Variants in NPAS3 observed in about 807,000 individuals in gnomAD.
The protein encoded by NPAS3 is neuronal PAS domain protein 3.
In NPAS3, 14 loss-of-function variants were observed where a neutral mutation model predicts 73.1. That is an observed-to-expected ratio of 0.19 (90% CI 0.13 to 0.30). The LOEUF is 0.30. Among genes scored for constraint, NPAS3 ranks in the 10% least tolerant of loss-of-function variants. NPAS3 has a pLI of 1.00. For missense variants in NPAS3, 1,096 were observed against 1,250.0 expected, an observed-to-expected ratio of 0.88 and a Z score of 1.86; for synonymous variants, 620 against 541.5, an observed-to-expected ratio of 1.14 and a Z score of -2.01.
At chr14:33,784,449 A>C (rs2063079952) in intron 9 of NPAS3, among the ~76,000 whole-genome samples, 1 of 152,210 alleles carries the variant, frequency 6.6e-6, no homozygotes, top group African/African-American at 2.4e-5. Flanking sequence ...GAAAGCAACT[A>C]AGGGGAGGAT....
At chr14:33,121,818 A>G (rs894443301) in intron 2 of NPAS3, among the ~76,000 whole-genome samples, 1 of 152,174 alleles carries the variant, frequency 6.6e-6, no homozygotes, top group East Asian at 1.9e-4. Context: ...ACACCTGAGA[A>G]AACTCAGGTG....
chr14:33,095,784 T>TCAG (rs1304317873), intron 2 of NPAS3, among the ~76,000 whole-genome samples: 1 of 149,894 alleles, frequency 6.7e-6, no homozygotes, highest in Non-Finnish European at 1.5e-5. Context: ...TTCTCCTGCC[T>TCAG]CAGCCTCTGG....
intron 4 of NPAS3, among the ~76,000 whole-genome samples, chr14:33,455,077 T>C (rs1438173002): frequency 6.6e-6 from 1 of 152,216 alleles, no homozygotes; most frequent in Non-Finnish European, 1.5e-5. Flanking sequence ...TAATCTGTTA[T>C]ATCCAGACAG....
intron 1 of NPAS3, among the ~76,000 whole-genome samples, chr14:32,989,565 A>T (rs1001382097): frequency 6.6e-6 from 1 of 151,496 alleles, no homozygotes; most frequent in Non-Finnish European, 1.5e-5. Flanking sequence ...AATGGCGTGA[A>T]CCCCAGGGGG....
intron 2 of NPAS3, among the ~76,000 whole-genome samples, chr14:33,089,015 C>A (rs1048593760): frequency 1.2e-5 from 1 of 85,824 alleles, no homozygotes; most frequent in African/African-American, 6.9e-5. Context: ...CACACCAAAA[C>A]CCCATCTGTA....
chr14:33,659,778 T>C (rs1295338930), intron 5 of NPAS3, among the ~76,000 whole-genome samples: 1 of 151,922 alleles, frequency 6.6e-6, no homozygotes, highest in Non-Finnish European at 1.5e-5. Flanking sequence ...CATTAGTGAC[T>C]TGAAATTGGG....
At chr14:33,582,974 T>TTTTTTTTTTTTG (rs1419335624) in intron 5 of NPAS3, among the ~76,000 whole-genome samples, 21 of 145,952 alleles carry the variant, frequency 1.4e-4, no homozygotes, top group Non-Finnish European at 2.8e-4. Flanking sequence ...TAAAGGGTTT[T>TTTTTTTTTTTTG]TTTTTTTTTT....
intron 7 of NPAS3, among the ~76,000 whole-genome samples, chr14:33,746,171 T>TTTTATTTATTTATTTA (rs528860081): frequency 0.022 from 3,192 of 144,430 alleles, 64 homozygotes; most frequent in African/African-American, 0.046. Flanking sequence ...TTTTATTTTA[T>TTTTATTTATTTATTTA]TTTATTTATT....
intron 2 of NPAS3, among the ~76,000 whole-genome samples, chr14:33,211,020 CA>C (rs2047014176): frequency 6.6e-6 from 1 of 152,130 alleles, no homozygotes. Context: ...AAAGAACAAT[CA>C]ATGTGAAGTG....
chr14:33,771,909 A>T (rs1206968419), intron 7 of NPAS3, among the ~76,000 whole-genome samples: 1 of 152,338 alleles, frequency 6.6e-6, no homozygotes, highest in Non-Finnish European at 1.5e-5. Flanking sequence ...CTTAAACAAG[A>T]CATGGAAACA....
At chr14:33,132,228 C>T (rs989161833) in intron 2 of NPAS3, among the ~76,000 whole-genome samples, 23 of 152,020 alleles carry the variant, frequency 1.5e-4, no homozygotes, top group Non-Finnish European at 2.6e-4. Flanking sequence ...ACTCCAAATG[C>T]TTGGTGACTA....
chr14:33,253,288 T>G (rs779119582), intron 3 of NPAS3, among the ~76,000 whole-genome samples: 4 of 152,094 alleles, frequency 2.6e-5, no homozygotes, highest in Non-Finnish European at 5.9e-5. Flanking sequence ...GGTTATTGTT[T>G]TCTTTTTTTA....
chr14:33,582,395 A>G (rs892460353), intron 5 of NPAS3, among the ~76,000 whole-genome samples: 3 of 152,212 alleles, frequency 2.0e-5, no homozygotes, highest in Admixed American at 1.3e-4. Flanking sequence ...GCTGATTTGT[A>G]GAGAAGCAAT....
chr14:33,251,853 T>A (rs1358456818), intron 3 of NPAS3, among the ~76,000 whole-genome samples: 1 of 152,104 alleles, frequency 6.6e-6, no homozygotes, highest in Non-Finnish European at 1.5e-5. Context: ...GCATTCTAAA[T>A]TGAAATTTTA....
chr14:33,671,648 CT>C (rs2059613182), intron 5 of NPAS3, among the ~76,000 whole-genome samples: 3 of 152,314 alleles, frequency 2.0e-5, no homozygotes, highest in Admixed American at 6.5e-5. Flanking sequence ...TCTGCTGCCC[CT>C]GATGCATTCT....
At chr14:33,044,705 C>A (rs1311097210) in intron 1 of NPAS3, among the ~76,000 whole-genome samples, 2 of 148,908 alleles carry the variant, frequency 1.3e-5, no homozygotes, top group African/African-American at 5.0e-5. Flanking sequence ...ATTGAAATGA[C>A]CTGTGATGAG....
chr14:33,644,335 T>G (rs2058761434), intron 5 of NPAS3, among the ~76,000 whole-genome samples: 2 of 152,216 alleles, frequency 1.3e-5, no homozygotes, highest in South Asian at 4.1e-4. Context: ...ATTTATATAT[T>G]TATATTTTTG....
At chr14:33,303,075 G>A (rs1488594482) in intron 3 of NPAS3, among the ~76,000 whole-genome samples, 2 of 151,914 alleles carry the variant, frequency 1.3e-5, no homozygotes, top group African/African-American at 4.8e-5. Flanking sequence ...GGTGACTTTT[G>A]GCCATCAGGA....
intron 1 of NPAS3, among the ~76,000 whole-genome samples, chr14:32,966,611 A>C: frequency 1.5e-5 from 2 of 135,038 alleles, no homozygotes; most frequent in South Asian, 2.3e-4. Flanking sequence ...TCTACTAAAA[A>C]TACAAAAAAT....
Sources: gnomAD v4.1 joint callset for allele counts (sites outside exome capture counted in the v4.1 genomes callset) on GRCh38, gnomAD v4.1.1 for gene constraint, MANE v1.5 for transcripts, NCBI Gene and HGNC (gene_info 2026-07-23, HGNC 2026-07-21) for gene names.